The following DGKD variants were observed in gnomAD, a reference collection of about 807,000 sequenced individuals.
DGKD encodes the protein DAG kinase delta.
DGKD carries 68 observed loss-of-function variants against 154.4 expected under a neutral mutation model. The ratio of observed to expected loss-of-function variants is 0.44; its 90% CI spans 0.36 to 0.54. The LOEUF (loss-of-function observed/expected upper bound fraction) is 0.54, where lower values mean the gene tolerates loss of function less well. DGKD is among the 20% of genes least tolerant of loss of function. The pLI is 0.00. For missense variants in DGKD, 1,343 were observed against 1,593.6 expected (o/e 0.84, Z 2.68); for synonymous variants, 693 against 638.0 (o/e 1.09, Z -1.30).
intron 27 of DGKD, among the ~76,000 whole-genome samples, chr2:233,465,969 G>T (rs185995028): frequency 6.6e-6 from 1 of 152,098 alleles, no homozygotes; most frequent in Admixed American, 6.5e-5. Context: ...ATGATAAAAA[G>T]AGGATCACTT....
rs1189145980 is a variant in DGKD at position 233,464,178 on chromosome 2, T to G, written c.3201T>G (p.Pro1067=). Residue 1067 remains proline, a synonymous_variant, in exon 27 of 30, where the codon CCT becomes CCG. Coordinates refer to ENST00000264057, the MANE Select transcript of DGKD (RefSeq NM_152879.3). The stretch of plus-strand genomic sequence containing the variant: ...GCCTGGAGCAGCAGCTGGATCCGCC[T>G]CAGAAGGAGCAGCTGGGGAGTGCTC... ...SGKMALQLDP[P]QKEQLGSALA... 1 of 1,613,518 alleles carries G rather than the reference T, an allele frequency of 6.2e-7. No individual in the cohort carries two copies. Among genetic ancestry groups the G allele is most frequent in the Admixed American group, 1.7e-5 (1 of 60,014 alleles).
chr2:233,402,082 G>T (rs537334081), intron 3 of DGKD, among the ~76,000 whole-genome samples: 8 of 152,084 alleles, frequency 5.3e-5, no homozygotes, highest in African/African-American at 1.9e-4. Flanking sequence ...CTGTGTGTAC[G>T]GGTCACCTGC....
intron 4 of DGKD, 44 bp from the exon 5 acceptor site, chr2:233,434,724 TA>T: frequency 6.3e-7 from 1 of 1,585,350 alleles, no homozygotes; most frequent in Non-Finnish European, 8.6e-7. Context: ...TTTAACAATT[TA>T]AAAGAGAAGT....
At position 233,462,645 on chromosome 2, in the gene DGKD, G is replaced by T; in HGVS notation, c.3096G>T (p.Gly1032=). 2 of 1,614,048 alleles carry T rather than the reference G, an allele frequency of 1.2e-6. No individual in the cohort carries two copies. The highest frequency in any genetic ancestry group is 1.7e-6 in the Non-Finnish European group (2 of 1,179,938). ...RVYGKPRTTE[G]LNCSFVLEMV... ...CATATTTGCCTGGTTTCTTCTAGGG[G>T]CTCAACTGCAGCTTCGTCCTGGAAA... Residue 1032 remains glycine, a splice_region_variant and synonymous_variant, in exon 26 of 30, where the codon GGG becomes GGT. Transcript: ENST00000264057.
At chr2:233,389,949 A>G (rs1160668620) in intron 2 of DGKD, among the ~76,000 whole-genome samples, 1 of 152,110 alleles carries the variant, frequency 6.6e-6, no homozygotes, top group Non-Finnish European at 1.5e-5. Context: ...TTTAGCCAGG[A>G]CCTTCCCCCT....
chr2:233,447,575 T>C lies in DGKD; in HGVS notation c.1420-512T>C, dbSNP rs944823642. ...TGTGGGGGAAGCCCAGAATATTCGC[T>C]GTCTGGCCAGTAGTGAAGTTTGCGA... On this transcript the variant is annotated intron_variant, in intron 12 of 29. Coordinates refer to ENST00000264057, the MANE Select transcript of DGKD (RefSeq NM_152879.3). The C allele has an allele frequency of 7.1e-6, 7 of 985,920 alleles. No homozygotes were observed. The Admixed American group carries it at 3.1e-4, about 43-fold the overall frequency. The allele number at this position is 985,920 out of a possible 1,614,324, so 61.1% of individuals were successfully genotyped here.
intron 3 of DGKD, among the ~76,000 whole-genome samples, chr2:233,396,150 C>G (rs1437448329): frequency 6.6e-6 from 1 of 152,152 alleles, no homozygotes; most frequent in East Asian, 1.9e-4. Flanking sequence ...AGGCTCGATG[C>G]TGTTGCTGTC....
At position 233,445,720 on chromosome 2, in the gene DGKD, T is replaced by G; in HGVS notation, c.1292T>G (p.Ile431Ser). The G allele has an allele frequency of 6.2e-7, 1 of 1,613,466 alleles. No individual in the cohort carries two copies. The highest frequency in any genetic ancestry group is 8.5e-7 in the Non-Finnish European group (1 of 1,179,750). Residue 431 changes from isoleucine (I) to serine (S), a missense_variant, in exon 11 of 30, where the codon ATC becomes AGC. Coordinates refer to ENST00000264057, the MANE Select transcript of DGKD (RefSeq NM_152879.3). The surrounding 1 kb of genome is among the most constrained non-coding windows in gnomAD (Gnocchi z 5.5). Reference protein sequence around the residue: ...ACDDDTQLPQILEKLERASTK... With the variant: ...ACDDDTQLPQSLEKLERASTK... ...GATGACGACACCCAGCTCCCCCAGA[T>G]CTTGGAGAAGTTGGAGAGAGCCAGC...
chr2:233,434,899 A>G lies in DGKD; in HGVS notation c.584A>G (p.Glu195Gly). Residue 195 changes from glutamate to glycine, a missense_variant and splice_region_variant, in exon 5 of 30, where the codon GAG becomes GGG. Glu to Gly is a moderately conservative substitution (Grantham distance 98, BLOSUM62 -2). This residue lies in a region of DGKD where 332 missense variants were observed against 400.1 expected (regional missense o/e 0.83). Transcript: ENST00000264057. The stretch of plus-strand genomic sequence containing the variant: ...GTCACGTCGCACGGGCTGTCCTGCG[A>G]GGGTACGGATGTGCGTTTGTTATTC... ...SGVTSHGLSC[E>G]VCKFKAHKRC... 2 of 1,612,240 alleles carry G rather than the reference A, an allele frequency of 1.2e-6. No homozygotes were observed. Among genetic ancestry groups the G allele is most frequent in the Non-Finnish European group, 1.7e-6 (2 of 1,179,556 alleles).
chr2:233,464,410 G>A, intron 27 of DGKD, 127 bp downstream of exon 27: 2 of 1,204,738 alleles, frequency 1.7e-6, no homozygotes, highest in South Asian at 1.4e-5. Flanking sequence ...CCCCTGAGGG[G>A]CCTTCTCCAG....
intron 27 of DGKD, 42 bp downstream of exon 27, chr2:233,464,325 G>T: frequency 6.2e-7 from 1 of 1,606,346 alleles, no homozygotes; most frequent in Non-Finnish European, 8.5e-7. Context: ...CCCGGACATG[G>T]TGGCTCTCGC....
At chr2:233,413,585 A>G (rs2061884387) in intron 3 of DGKD, among the ~76,000 whole-genome samples, 1 of 152,162 alleles carries the variant, frequency 6.6e-6, no homozygotes, top group African/African-American at 2.4e-5. Flanking sequence ...CTGGCACCAA[A>G]TAGCCACACT....
chr2:233,445,383 A>G lies in DGKD; in HGVS notation c.1195-240A>G, dbSNP rs957950575. Reference sequence around the variant, plus strand: ...TGAGAGATGGACCTGTGGCTCATCCATTTCTCCCAGAAGCAGCATCTTATC... The same window carrying G: ...TGAGAGATGGACCTGTGGCTCATCCGTTTCTCCCAGAAGCAGCATCTTATC... On this transcript the variant is annotated intron_variant, in intron 10 of 29. Transcript: ENST00000264057. This position sits in a 1 kb window ranked among gnomAD's most constrained non-coding sequence, Gnocchi z 5.5. 6.6e-6 allele frequency among the ~76,000 whole-genome samples: 1 copy of G among 151,956 alleles called. No individual in the cohort carries two copies.
At chr2:233,367,937 C>T (rs1336894910) in intron 1 of DGKD, among the ~76,000 whole-genome samples, 13 of 150,706 alleles carry the variant, frequency 8.6e-5, no homozygotes, top group Non-Finnish European at 1.9e-4. Flanking sequence ...AGTGATCCTC[C>T]TGCCTTGGCC....
rs1168810984 is a variant in DGKD, at chr2:233,462,745, T to C, written c.3186+10T>C. 6 of 1,610,972 alleles carry C rather than the reference T, an allele frequency of 3.7e-6. No individual in the cohort carries two copies. The highest frequency in any genetic ancestry group is 1.7e-5 in the Admixed American group (1 of 59,996). On this transcript the variant is annotated intron_variant, in intron 26 of 29. Transcript: ENST00000264057. ...TGGGAAGATGGCCCTGGTAAGCTGG[T>C]GCCCCAGGGACAGCAGGGCTCGGGC...
chr2:233,375,108 G>A (rs1483197046), intron 1 of DGKD, among the ~76,000 whole-genome samples: 1 of 152,140 alleles, frequency 6.6e-6, no homozygotes, highest in African/African-American at 2.4e-5. Flanking sequence ...TGGCCAACAT[G>A]GTAAAATCCT....
intron 1 of DGKD, among the ~76,000 whole-genome samples, chr2:233,387,498 A>C (rs914020078): frequency 6.6e-6 from 1 of 152,110 alleles, no homozygotes; most frequent in Non-Finnish European, 1.5e-5. Context: ...TTAGTTACGC[A>C]TTTGATGTTT....
chr2:233,460,138 C>A, intron 23 of DGKD, 56 bp from the exon 24 acceptor site: 1 of 1,594,496 alleles, frequency 6.3e-7, no homozygotes, highest in South Asian at 1.1e-5. Context: ...TAGTGTCTGT[C>A]GCAGTCAGAT....
chr2:233,385,237 C>T (rs1022210747), intron 1 of DGKD, among the ~76,000 whole-genome samples: 15 of 152,178 alleles, frequency 9.9e-5, no homozygotes, highest in African/African-American at 3.4e-4. Flanking sequence ...AGCAGCTGCA[C>T]GTGGTAGTCT....
Sources: gnomAD v4.1 joint callset for allele counts (sites outside exome capture counted in the v4.1 genomes callset) on GRCh38, gnomAD v4.1.1 for gene constraint, gnomAD v4.1.1 regional missense constraint, Gnocchi (gnomAD v3.1) non-coding constraint, MANE v1.5 for transcripts, NCBI Gene and HGNC (gene_info 2026-07-23, HGNC 2026-07-21) for gene names.